ATAD2B: variants seen among roughly 807,000 people sequenced by gnomAD.
ATAD2B encodes ATPase family AAA domain containing 2B.
Under a neutral mutation model 167.6 loss-of-function variants are expected in ATAD2B, and 40 were observed. The observed-to-expected ratio is 0.24, with a 90% CI of 0.19 to 0.31. The LOEUF (loss-of-function observed/expected upper bound fraction) is 0.31. Ranked by LOEUF, ATAD2B falls within the 10% of genes least tolerant of loss-of-function variation. The pLI, the probability that ATAD2B is intolerant of heterozygous loss-of-function variation, is 1.00. For missense variants in ATAD2B, 1,242 were observed against 1,757.2 expected, an observed-to-expected ratio of 0.71 and a Z score of 5.24; for synonymous variants, 579 against 596.5, an observed-to-expected ratio of 0.97 and a Z score of 0.43.
chr2:23,903,734 T>C (rs914503759), intron 1 of ATAD2B, among the ~76,000 whole-genome samples: 4 of 152,216 alleles, frequency 2.6e-5, no homozygotes, highest in Admixed American at 1.3e-4. Context: ...AAGCCAAGTA[T>C]AGCATTTAAA....
the ATAD2B span, among the ~76,000 whole-genome samples, chr2:23,740,697 G>C: frequency 1.3e-5 from 2 of 152,152 alleles, no homozygotes; most frequent in African/African-American, 2.4e-5. Context: ...GGAAGTTCTG[G>C]CCAGGGCAGT....
chr2:23,918,776 G>A (rs572199244), intron 1 of ATAD2B, among the ~76,000 whole-genome samples: 10 of 152,218 alleles, frequency 6.6e-5, no homozygotes, highest in Middle Eastern at 3.4e-3. Context: ...TGATAAGTGA[G>A]GTAAAGAACT....
At chr2:23,767,173 G>A (rs1558502794) in intron 22 of ATAD2B, among the ~76,000 whole-genome samples, 1 of 152,054 alleles carries the variant, frequency 6.6e-6, no homozygotes, top group Non-Finnish European at 1.5e-5. Flanking sequence ...GCTCCACCCT[G>A]ACTCATTCCG....
At chr2:23,890,484 C>T (rs6731333) in intron 2 of ATAD2B, among the ~76,000 whole-genome samples, 29,817 of 152,092 alleles carry the variant, frequency 0.2, 3,013 homozygotes, top group Middle Eastern at 0.26. Context: ...ATTCTTACAA[C>T]GTTGTCATTA....
At chr2:23,836,179 G>A (rs72786270) in intron 13 of ATAD2B, among the ~76,000 whole-genome samples, 18,307 of 152,188 alleles carry the variant, frequency 0.12, 1,177 homozygotes, top group Middle Eastern at 0.22. Flanking sequence ...GCAAGTGTGA[G>A]GTCCAGCCAC....
intron 19 of ATAD2B, among the ~76,000 whole-genome samples, chr2:23,789,144 T>A (rs1034857376): frequency 1.3e-5 from 2 of 152,074 alleles, no homozygotes; most frequent in Non-Finnish European, 2.9e-5. Flanking sequence ...GCAAAGAAAC[T>A]ATACCTCTAG....
intron 1 of ATAD2B, among the ~76,000 whole-genome samples, chr2:23,896,922 G>T (rs1363470950): frequency 6.6e-6 from 1 of 152,142 alleles, no homozygotes; most frequent in East Asian, 1.9e-4. Flanking sequence ...CAGATCACCT[G>T]AGGTCAGGAG....
At chr2:23,698,831 G>GCAAT in the ATAD2B span, among the ~76,000 whole-genome samples, 3 of 152,280 alleles carry the variant, frequency 2.0e-5, no homozygotes, top group East Asian at 3.9e-4. Context: ...TCATGGCTTG[G>GCAAT]CAATCAGCCA....
the ATAD2B span, among the ~76,000 whole-genome samples, chr2:23,699,480 T>C: frequency 1.3e-5 from 2 of 152,298 alleles, no homozygotes; most frequent in East Asian, 3.9e-4. Flanking sequence ...GGACCGATAT[T>C]CCAGCTTCCC....
At chr2:23,709,271 A>G in the ATAD2B span, among the ~76,000 whole-genome samples, 1 of 151,946 alleles carries the variant, frequency 6.6e-6, no homozygotes, top group African/African-American at 2.4e-5. Context: ...CGAACTCCCA[A>G]CCTCAGGTGA....
At chr2:23,797,035 T>A (rs191256632) in intron 19 of ATAD2B, among the ~76,000 whole-genome samples, 89 of 152,300 alleles carry the variant, frequency 5.8e-4, no homozygotes, top group Non-Finnish European at 1.1e-3. Context: ...TGAATTACTC[T>A]ACATTTAATA....
At chr2:23,767,637 T>C (rs1184408985) in intron 22 of ATAD2B, among the ~76,000 whole-genome samples, 1 of 152,128 alleles carries the variant, frequency 6.6e-6, no homozygotes, top group Non-Finnish European at 1.5e-5. Context: ...TTCTGATCAC[T>C]GGATTGAGGG....
chr2:23,899,259 G>A (rs1700498615), intron 1 of ATAD2B, among the ~76,000 whole-genome samples: 1 of 147,394 alleles, frequency 6.8e-6, no homozygotes, highest in African/African-American at 2.5e-5. Flanking sequence ...CCTGCAGTGA[G>A]CTGTGATCAC....
the ATAD2B span, among the ~76,000 whole-genome samples, chr2:23,731,835 G>A: frequency 6.6e-6 from 1 of 152,072 alleles, no homozygotes; most frequent in African/African-American, 2.4e-5. Flanking sequence ...AATTAGCTGG[G>A]CATTGGTGAC....
At chr2:23,902,852 G>A in intron 1 of ATAD2B, among the ~76,000 whole-genome samples, 1 of 152,082 alleles carries the variant, frequency 6.6e-6, no homozygotes, top group East Asian at 1.9e-4. Context: ...GATCCTTGTG[G>A]CCAGGAGTTT....
At chr2:23,693,148 C>T in the ATAD2B span, 1 of 1,136,546 alleles carries the variant, frequency 8.8e-7, no homozygotes, top group Non-Finnish European at 1.2e-6. Flanking sequence ...GGACTCTGGA[C>T]ACTGCAGTCA....
chr2:23,739,813 TAAAG>T, the ATAD2B span, among the ~76,000 whole-genome samples: 2 of 151,270 alleles, frequency 1.3e-5, no homozygotes, highest in Non-Finnish European at 2.9e-5. Context: ...GCAAGACTAA[TAAAG>T]AAGAAAAGAG....
the ATAD2B span, among the ~76,000 whole-genome samples, chr2:23,743,555 T>C: frequency 1.8e-4 from 23 of 126,222 alleles, no homozygotes; most frequent in African/African-American, 6.0e-4. Context: ...AGAGCGAAAA[T>C]CCGACTCAAA....
intron 8 of ATAD2B, chr2:23,872,492 G>T: frequency 2.6e-6 from 2 of 763,680 alleles, no homozygotes; most frequent in South Asian, 1.4e-5. Context: ...TTTACCAGGT[G>T]AGCTATTTCT....
Sources: allele counts gnomAD v4.1 joint callset (sites outside exome capture counted in the v4.1 genomes callset), GRCh38; gene constraint gnomAD v4.1.1; transcripts MANE v1.5; gene names NCBI Gene and HGNC (gene_info 2026-07-23, HGNC 2026-07-21).